The following RAB27B variants were observed in gnomAD, a reference collection of about 807,000 sequenced individuals.
The protein encoded by RAB27B is RAB27B, member RAS oncogene family, also known as ras-related protein Rab-27B.
A neutral mutation model predicts 24.6 loss-of-function variants in RAB27B; 15 were observed. The ratio of observed to expected loss-of-function variants is 0.61; its 90% CI spans 0.41 to 0.94. The LOEUF is 0.94. RAB27B is among the 40% of genes least tolerant of loss of function. The pLI is 0.00. For synonymous variants in RAB27B, 105 were observed against 92.5 expected (o/e 1.14, Z -0.78); for missense variants, 261 against 266.8 (o/e 0.98, Z 0.15).
chr18:54,830,490 A>C (rs181791177), intron 1 of RAB27B, among the ~76,000 whole-genome samples: 1 of 152,322 alleles, frequency 6.6e-6, no homozygotes, highest in African/African-American at 2.4e-5. Flanking sequence ...TTCAGCTCTT[A>C]AGCAAGTAAT....
intron 2 of RAB27B, among the ~76,000 whole-genome samples, chr18:54,792,533 C>T (rs776373578): frequency 2.0e-5 from 3 of 152,096 alleles, no homozygotes; most frequent in Non-Finnish European, 4.4e-5. Context: ...TGAACACCCA[C>T]GTTAATGAAC....
At chr18:54,739,489 T>A (rs1308187211) in intron 2 of RAB27B, among the ~76,000 whole-genome samples, 1 of 149,496 alleles carries the variant, frequency 6.7e-6, no homozygotes. Flanking sequence ...AAAGAAATAC[T>A]ACCTTTTTAA....
intron 4 of RAB27B, among the ~76,000 whole-genome samples, chr18:54,885,225 G>A (rs1913083886): frequency 6.6e-6 from 1 of 152,164 alleles, no homozygotes; most frequent in Non-Finnish European, 1.5e-5. Context: ...CAGGACAGCT[G>A]AGTCGTCCTA....
chr18:54,753,634 GT>G (rs1907906148), intron 2 of RAB27B, among the ~76,000 whole-genome samples: 1 of 151,724 alleles, frequency 6.6e-6, no homozygotes, highest in African/African-American at 2.4e-5. Flanking sequence ...TTTGTTATTT[GT>G]TTTCTTCTTC....
chr18:54,762,976 T>G (rs890556176), intron 2 of RAB27B, among the ~76,000 whole-genome samples: 2 of 152,176 alleles, frequency 1.3e-5, no homozygotes, highest in Non-Finnish European at 2.9e-5. Context: ...TTAAAGAAAT[T>G]TATTTTCCTT....
chr18:54,852,665 A>C (rs1345113755), intron 1 of RAB27B, among the ~76,000 whole-genome samples: 6 of 152,194 alleles, frequency 3.9e-5, no homozygotes, highest in African/African-American at 1.4e-4. Flanking sequence ...CTGAGCATGA[A>C]GGCTTATTGA....
At chr18:54,753,478 A>G (rs761505056) in intron 2 of RAB27B, among the ~76,000 whole-genome samples, 39 of 152,162 alleles carry the variant, frequency 2.6e-4, no homozygotes, top group Non-Finnish European at 5.1e-4. Context: ...CAGATAATAC[A>G]TCTAATGTAC....
intron 2 of RAB27B, among the ~76,000 whole-genome samples, chr18:54,756,683 T>G (rs1908015208): frequency 1.3e-5 from 2 of 152,170 alleles, no homozygotes; most frequent in African/African-American, 4.8e-5. Context: ...TGTATATTTG[T>G]CTGGTTTACC....
intron 2 of RAB27B, among the ~76,000 whole-genome samples, chr18:54,782,697 A>G (rs550590304): frequency 1.3e-4 from 20 of 152,360 alleles, no homozygotes; most frequent in African/African-American, 4.8e-4. Flanking sequence ...GACTGTTCAT[A>G]CATGTCCTCA....
upstream of RAB27B, among the ~76,000 whole-genome samples, chr18:54,824,745 G>A (rs146840907): frequency 6.6e-6 from 1 of 152,288 alleles, no homozygotes; most frequent in African/African-American, 2.4e-5. Context: ...AGCAGAACAT[G>A]GAATCTGGCG....
intron 2 of RAB27B, among the ~76,000 whole-genome samples, chr18:54,821,793 G>A (rs566281014): frequency 6.6e-6 from 1 of 152,264 alleles, no homozygotes. Context: ...CACGCTTGTC[G>A]CCCAGGCTGG....
At chr18:54,841,077 C>T (rs537668437) in intron 1 of RAB27B, among the ~76,000 whole-genome samples, 1 of 146,586 alleles carries the variant, frequency 6.8e-6, no homozygotes, top group South Asian at 2.2e-4. Flanking sequence ...ACCCGGGAGG[C>T]AGAAGTTGCA....
intron 2 of RAB27B, among the ~76,000 whole-genome samples, chr18:54,807,820 G>C (rs7236320): frequency 6.6e-6 from 1 of 152,018 alleles, no homozygotes; most frequent in Admixed American, 6.5e-5. Context: ...GAACACCACT[G>C]TGTCTGAGCT....
intron 1 of RAB27B, among the ~76,000 whole-genome samples, chr18:54,838,187 A>G (rs1332583254): frequency 2.0e-5 from 3 of 152,182 alleles, no homozygotes; most frequent in African/African-American, 7.2e-5. Context: ...CCAAAGCATA[A>G]CAAAATGTAT....
chr18:54,836,477 G>T (rs1255305428), intron 1 of RAB27B, among the ~76,000 whole-genome samples: 2 of 151,998 alleles, frequency 1.3e-5, no homozygotes, highest in East Asian at 3.9e-4. Context: ...GTAGTCCAGA[G>T]CAGTGAGGTT....
At chr18:54,840,591 C>T (rs1255811436) in intron 1 of RAB27B, among the ~76,000 whole-genome samples, 2 of 148,616 alleles carry the variant, frequency 1.3e-5, no homozygotes, top group Non-Finnish European at 3.0e-5. Context: ...TTAAATATTC[C>T]ATTACACTGG....
intron 1 of RAB27B, among the ~76,000 whole-genome samples, chr18:54,856,982 T>C (rs1039782751): frequency 1.3e-5 from 2 of 152,268 alleles, no homozygotes; most frequent in Non-Finnish European, 2.9e-5. Flanking sequence ...TTTAAACTAC[T>C]GTACATGCAT....
intron 2 of RAB27B, among the ~76,000 whole-genome samples, chr18:54,771,622 G>GTA (rs1476534653): frequency 6.9e-6 from 1 of 145,610 alleles, no homozygotes; most frequent in East Asian, 1.9e-4. Flanking sequence ...GTGTGTGTGT[G>GTA]TGTGTGTGTG....
chr18:54,860,270 G>A (rs1911960245), intron 1 of RAB27B, among the ~76,000 whole-genome samples: 1 of 152,098 alleles, frequency 6.6e-6, no homozygotes, highest in Non-Finnish European at 1.5e-5. Context: ...TTGAGCTTCT[G>A]AACTCAGGGC....
Sources: allele counts gnomAD v4.1 joint callset (sites outside exome capture counted in the v4.1 genomes callset), GRCh38; gene constraint gnomAD v4.1.1; transcripts MANE v1.5; gene names NCBI Gene and HGNC (gene_info 2026-07-23, HGNC 2026-07-21).